Variants in ANK3 observed in about 807,000 individuals in gnomAD.
ANK3 encodes the protein ankyrin 3, also known as ankyrin-3.
ANK3 carries 57 observed loss-of-function variants against 370.9 expected under a neutral mutation model. The ratio of observed to expected loss-of-function variants is 0.15; its 90% CI spans 0.12 to 0.19. The LOEUF (loss-of-function observed/expected upper bound fraction) is 0.19, where lower values mean the gene tolerates loss of function less well. ANK3 is among the 10% of genes least tolerant of loss of function. The pLI, the probability that ANK3 is intolerant of heterozygous loss-of-function variation, is 1.00. For missense variants in ANK3, 4,439 were observed against 5,302.1 expected, an observed-to-expected ratio of 0.84 and a Z score of 5.06; for synonymous variants, 1,929 against 1,946.3, an observed-to-expected ratio of 0.99 and a Z score of 0.23.
chr10:60,131,000 T>C (rs943499563), intron 25 of ANK3, among the ~76,000 whole-genome samples: 3 of 152,242 alleles, frequency 2.0e-5, no homozygotes, highest in Non-Finnish European at 4.4e-5. Context: ...CTATATTTGC[T>C]TTAACTTTAT....
chr10:60,632,843 C>T (rs2078502651), intron 1 of ANK3, among the ~76,000 whole-genome samples: 1 of 151,822 alleles, frequency 6.6e-6, no homozygotes, highest in Non-Finnish European at 1.5e-5. Context: ...GGTCGTACCA[C>T]TGCACTCCAG....
chr10:60,240,077 A>G (rs1430740821), intron 7 of ANK3, among the ~76,000 whole-genome samples: 1 of 142,738 alleles, frequency 7.0e-6, no homozygotes, highest in Non-Finnish European at 1.5e-5. Flanking sequence ...ATATATATAC[A>G]TATATACACT....
intron 1 of ANK3, among the ~76,000 whole-genome samples, chr10:60,691,988 C>A (rs890298403): frequency 2.0e-5 from 3 of 152,188 alleles, no homozygotes; most frequent in Non-Finnish European, 2.9e-5. Context: ...ATAGCCTTAG[C>A]TGGTAATGAA....
At chr10:60,613,790 C>A (rs986324168) in intron 2 of ANK3, among the ~76,000 whole-genome samples, 6 of 152,022 alleles carry the variant, frequency 3.9e-5, no homozygotes, top group Non-Finnish European at 8.8e-5. Flanking sequence ...GAAGACAATT[C>A]AGACCGGGTA....
intron 2 of ANK3, among the ~76,000 whole-genome samples, chr10:60,490,235 G>A (rs1241379488): frequency 6.6e-6 from 1 of 152,176 alleles, no homozygotes; most frequent in East Asian, 1.9e-4. Flanking sequence ...GGTTCTCAGA[G>A]TCTTATCTAG....
At chr10:60,546,726 A>G (rs936242379) in intron 2 of ANK3, among the ~76,000 whole-genome samples, 1 of 152,206 alleles carries the variant, frequency 6.6e-6, no homozygotes, top group Admixed American at 6.5e-5. Context: ...AAAAACAATA[A>G]TTACATTAAA....
intron 7 of ANK3, among the ~76,000 whole-genome samples, chr10:60,246,286 A>AAAAG (rs1565961708): frequency 5.7e-5 from 7 of 123,546 alleles, no homozygotes; most frequent in East Asian, 7.0e-4. Flanking sequence ...AAAAAAGAAA[A>AAAAG]AAGAAAAAAA....
chr10:60,344,121 C>T (rs2054884938), intron 1 of ANK3, among the ~76,000 whole-genome samples: 2 of 152,240 alleles, frequency 1.3e-5, no homozygotes, highest in South Asian at 4.1e-4. Flanking sequence ...TTGCCATTTT[C>T]ACCTAAATCA....
chr10:60,252,286 T>C (rs2097679650), intron 7 of ANK3, among the ~76,000 whole-genome samples: 1 of 152,144 alleles, frequency 6.6e-6, no homozygotes, highest in South Asian at 2.1e-4. Context: ...GGGACCAGGA[T>C]TCATCTGAGC....
chr10:60,562,940 A>G (rs2077373236), intron 2 of ANK3, among the ~76,000 whole-genome samples: 1 of 152,222 alleles, frequency 6.6e-6, no homozygotes, highest in Non-Finnish European at 1.5e-5. Context: ...ACAATGACTC[A>G]AACAACAAAG....
intron 12 of ANK3, 23 bp from the exon 13 acceptor site, chr10:60,200,250 A>C (rs2096651424): frequency 7.0e-6 from 11 of 1,566,610 alleles, no homozygotes; most frequent in Non-Finnish European, 9.7e-6. Context: ...AGCCAAAGTA[A>C]ATTAGCTGCA....
chr10:60,638,686 AT>A (rs1367242929), intron 1 of ANK3, among the ~76,000 whole-genome samples: 1 of 152,110 alleles, frequency 6.6e-6, no homozygotes, highest in Non-Finnish European at 1.5e-5. Flanking sequence ...ACTAAAAAAA[AT>A]ATAAACACCC....
chr10:60,426,439 A>G (rs752495147), intron 2 of ANK3, among the ~76,000 whole-genome samples: 3 of 152,100 alleles, frequency 2.0e-5, no homozygotes, highest in Non-Finnish European at 2.9e-5. Context: ...TGCATATCTC[A>G]TTATGATAAC....
At chr10:60,561,836 A>G (rs1306880671) in intron 2 of ANK3, among the ~76,000 whole-genome samples, 1 of 152,164 alleles carries the variant, frequency 6.6e-6, no homozygotes, top group Non-Finnish European at 1.5e-5. Flanking sequence ...CAAGAGTCAT[A>G]TCAGCCAGAC....
chr10:60,304,674 A>G (rs1441191608), intron 1 of ANK3, among the ~76,000 whole-genome samples: 1 of 152,134 alleles, frequency 6.6e-6, no homozygotes, highest in African/African-American at 2.4e-5. Context: ...TATATACTTT[A>G]AATATATACA....
intron 2 of ANK3, among the ~76,000 whole-genome samples, chr10:60,550,647 A>C (rs909338475): frequency 2.0e-5 from 3 of 152,088 alleles, no homozygotes; most frequent in African/African-American, 7.2e-5. Context: ...ATGAAAGTAT[A>C]AACATTAAAA....
At chr10:60,049,543 C>T (rs1043451195) in intron 42 of ANK3, among the ~76,000 whole-genome samples, 30 of 152,092 alleles carry the variant, frequency 2.0e-4, no homozygotes, top group African/African-American at 7.2e-4. Context: ...GCCGAGATTA[C>T]ACCACTGCAC....
At chr10:60,713,330 G>A (rs2079736799) in intron 1 of ANK3, among the ~76,000 whole-genome samples, 1 of 151,814 alleles carries the variant, frequency 6.6e-6, no homozygotes, top group South Asian at 2.1e-4. Context: ...CAGCATAATT[G>A]GACATTAAAC....
chr10:60,555,637 A>G (rs981076472), intron 2 of ANK3, among the ~76,000 whole-genome samples: 3 of 152,200 alleles, frequency 2.0e-5, no homozygotes, highest in Non-Finnish European at 2.9e-5. Context: ...AGGTCATTCT[A>G]AATCTTCAAT....
Sources: allele counts gnomAD v4.1 joint callset (sites outside exome capture counted in the v4.1 genomes callset), GRCh38; gene constraint gnomAD v4.1.1; transcripts MANE v1.5; gene names NCBI Gene and HGNC (gene_info 2026-07-23, HGNC 2026-07-21).